PROSER2: variants seen among roughly 807,000 people sequenced by gnomAD.
PROSER2 encodes the protein proline and serine-rich protein 2.
PROSER2 carries 18 observed loss-of-function variants against 14.6 expected under a neutral mutation model. The observed-to-expected ratio is 1.23, with a 90% CI of 0.85 to 1.83. The LOEUF is 1.83. Among genes scored for constraint, PROSER2 ranks in the 40% most tolerant of loss-of-function variants. The pLI is 0.00. For synonymous variants in PROSER2, 367 were observed against 286.4 expected, an observed-to-expected ratio of 1.28 and a Z score of -2.84; for missense variants, 823 against 629.8, an observed-to-expected ratio of 1.31 and a Z score of -3.28.
chr10:11,827,529 C>T lies in PROSER2; in HGVS notation c.-82+4059C>T, dbSNP rs183322123. The stretch of plus-strand genomic sequence containing the variant: ...CCTCGGAAGCCAGTTGTCTGACTTG[C>T]GCTTTGTCATTTTTAATCTTCTGCC... On this transcript the variant is annotated intron_variant, in intron 1 of 3. Transcript: ENST00000277570. Among the ~76,000 whole-genome samples the T allele has an allele frequency of 5.3e-5, 8 of 152,156 alleles. No individual in the cohort carries two copies. In the East Asian group the frequency reaches 9.7e-4, roughly 18 times the overall value.
At position 11,837,025 on chromosome 10, in the gene PROSER2, A is replaced by G. The variant is rs1833771236; in HGVS notation, c.-82+13555A>G. On this transcript the variant is annotated intron_variant, in intron 1 of 3. Coordinates refer to ENST00000277570, the MANE Select transcript of PROSER2 (RefSeq NM_153256.4). The surrounding 1 kb of genome is among the most constrained non-coding windows in gnomAD (Gnocchi z 4.6). ...TGCCCGGAGTCCCCACCTGCCCATCACTTAGTAGCCAACTCAGTTCTCAGA... is the reference window on the plus strand; with the variant it reads ...TGCCCGGAGTCCCCACCTGCCCATCGCTTAGTAGCCAACTCAGTTCTCAGA... Among the ~76,000 whole-genome samples the G allele has an allele frequency of 6.6e-6, 1 of 152,096 alleles. No homozygotes were observed. The highest frequency in any genetic ancestry group is 2.4e-5 in the African/African-American group (1 of 41,414).
rs1457978953 is a variant in PROSER2 at position 11,866,545 on chromosome 10, G to A, written c.153G>A (p.Leu51=). The A allele has an allele frequency of 1.9e-6, 3 of 1,614,048 alleles. No individual in the cohort carries two copies. The East Asian group carries it at 6.7e-5, about 36-fold the overall frequency. Residue 51 remains leucine (L), a synonymous_variant, in exon 3 of 4, where the codon CTG becomes CTA. Coordinates refer to ENST00000277570, the MANE Select transcript of PROSER2 (RefSeq NM_153256.4). This position sits in a 1 kb window ranked among gnomAD's most constrained non-coding sequence, Gnocchi z 6.0. ...CTGTACTCTAGGATGATGAGAGCCT[G>A]AAGTACCTCACCCATGAGGAAAAGG... ...SRSFTLDDES[L]KYLTHEEKDV... is the part of the protein sequence containing the mutation.
intron 2 of PROSER2, among the ~76,000 whole-genome samples, chr10:11,857,918 G>A (rs1185671678): frequency 3.3e-5 from 5 of 152,044 alleles, no homozygotes; most frequent in Non-Finnish European, 7.3e-5. Context: ...GTCTTAGTCT[G>A]CAGTTAAACT....
At chr10:11,832,648 A>AT (rs762880794) in intron 1 of PROSER2, among the ~76,000 whole-genome samples, 67 of 152,142 alleles carry the variant, frequency 4.4e-4, no homozygotes, top group Non-Finnish European at 6.0e-4. Context: ...CCATGTCCCG[A>AT]TTTAAATGTA....
Position 11,870,588 on chromosome 10 carries a change from C to A in PROSER2, c.*182C>A. ...CTCCTGGCTGAGCACGCACCGCAAG[C>A]TCCAGCCACCGGCACAGAGAACTCT... On this transcript the variant is annotated 3_prime_UTR_variant, in exon 4 of 4. Coordinates refer to ENST00000277570, the MANE Select transcript of PROSER2 (RefSeq NM_153256.4). 1 of 490,176 alleles carries A rather than the reference C, an allele frequency of 2.0e-6. No homozygotes were observed. Among genetic ancestry groups the A allele is most frequent in the Non-Finnish European group, 3.6e-6 (1 of 275,668 alleles). The allele number at this position is 490,176 out of a possible 1,614,324, so 30.4% of individuals were successfully genotyped here.
chr10:11,833,234 G>GGTTTTT (rs1588483584), intron 1 of PROSER2, among the ~76,000 whole-genome samples: 1 of 20,118 alleles, frequency 5.0e-5, no homozygotes, highest in Non-Finnish European at 8.8e-5. Context: ...AAATGTTGTG[G>GGTTTTT]CTTTTTTTTT....
chr10:11,843,245 AT>A (rs1588488168), intron 1 of PROSER2, among the ~76,000 whole-genome samples: 2 of 146,230 alleles, frequency 1.4e-5, no homozygotes, highest in East Asian at 4.6e-4. Context: ...CAGCCTTGCC[AT>A]TGTTCCTGAA....
intron 1 of PROSER2, among the ~76,000 whole-genome samples, chr10:11,833,524 C>T (rs1230070865): frequency 6.6e-6 from 1 of 151,890 alleles, no homozygotes; most frequent in Admixed American, 6.6e-5. Context: ...AACCCCATCT[C>T]TACTCAAAAT....
At chr10:11,861,390 T>G (rs1047584440) in intron 2 of PROSER2, among the ~76,000 whole-genome samples, 4 of 152,302 alleles carry the variant, frequency 2.6e-5, no homozygotes, top group African/African-American at 7.2e-5. Context: ...TGATCTTATC[T>G]GAAGCCCTCA....
intron 2 of PROSER2, among the ~76,000 whole-genome samples, chr10:11,857,676 C>T (rs535117321): frequency 3.7e-5 from 5 of 135,278 alleles, no homozygotes; most frequent in East Asian, 2.5e-4. Flanking sequence ...ACCCGGGTGG[C>T]GGAGGTTGCA....
rs368754069 is a variant in PROSER2, at chr10:11,832,818, T to C, written c.-82+9348T>C. Among the ~76,000 whole-genome samples, 10 of 17,538 alleles carry C rather than the reference T, an allele frequency of 5.7e-4. 1 individual carries two copies. Among genetic ancestry groups the C allele is most frequent in the African/African-American group, 1.1e-3 (8 of 7,496 alleles). 11.5% of individuals were successfully genotyped at this position (17,538 alleles called of 152,430 possible). ...TCCAAGGTCTGTTTTTAGGGTGCTC[T>C]TTTTTTTTTATTTAGATGGTTTTAG... On this transcript the variant is annotated intron_variant, in intron 1 of 3. Transcript: ENST00000277570.
At chr10:11,839,787 T>G (rs1833810729) in intron 1 of PROSER2, among the ~76,000 whole-genome samples, 1 of 141,402 alleles carries the variant, frequency 7.1e-6, no homozygotes. Flanking sequence ...ATCATACCAC[T>G]GCACTCCAGC....
intron 1 of PROSER2, among the ~76,000 whole-genome samples, chr10:11,833,988 T>TTC (rs769589901): frequency 1.4e-5 from 1 of 72,044 alleles, no homozygotes; most frequent in Non-Finnish European, 2.8e-5. Flanking sequence ...CTCTTTCTTT[T>TTC]TTTTTTTTTT....
intron 1 of PROSER2, among the ~76,000 whole-genome samples, chr10:11,847,984 G>T (rs1479968647): frequency 1.3e-5 from 2 of 152,154 alleles, no homozygotes; most frequent in African/African-American, 4.8e-5. Flanking sequence ...CCAAAGATAA[G>T]GAGATCATTT....
At position 11,856,111 on chromosome 10, in the gene PROSER2, G is replaced by A. The variant is rs898629950; in HGVS notation, c.138+3896G>A. On this transcript the variant is annotated intron_variant, in intron 2 of 3. Coordinates refer to ENST00000277570, the MANE Select transcript of PROSER2 (RefSeq NM_153256.4). The surrounding 1 kb of genome is among the most constrained non-coding windows in gnomAD (Gnocchi z 5.3). ...ATGTGTGTGCAAGGCGGTGCTTCCT[G>A]ACAACGTCGGGAGTGTGCTTGTGGA... 1.2e-4 allele frequency among the ~76,000 whole-genome samples: 19 copies of A among 152,198 alleles called. No individual in the cohort carries two copies. Among genetic ancestry groups the A allele is most frequent in the African/African-American group, 4.3e-4 (18 of 41,454 alleles).
chr10:11,856,148 C>G lies in PROSER2; in HGVS notation c.138+3933C>G, dbSNP rs1321462952. ...AGTGTGCTTGTGGAGCTTACTACCT[C>G]GAGAGGTGATGCAGGCACAAAATAA... On this transcript the variant is annotated intron_variant, in intron 2 of 3. Coordinates refer to ENST00000277570, the MANE Select transcript of PROSER2 (RefSeq NM_153256.4). The surrounding 1 kb of genome is among the most constrained non-coding windows in gnomAD (Gnocchi z 5.3). Among the ~76,000 whole-genome samples, 3 of 152,240 alleles carry G rather than the reference C, an allele frequency of 2.0e-5. No individual in the cohort carries two copies. The South Asian group carries it at 6.2e-4, about 32-fold the overall frequency.
rs11297440 is a variant in PROSER2, at chr10:11,828,301, G to GAAA, written c.-82+4845_-82+4847dup. Among the ~76,000 whole-genome samples, 99 of 136,258 alleles carry GAAA rather than the reference G, an allele frequency of 7.3e-4. 1 individual carries two copies. The highest frequency in any genetic ancestry group is 1.1e-3 in the Non-Finnish European group (69 of 63,812). The allele number at this position is 136,258 out of a possible 152,430, so 89.4% of individuals were successfully genotyped here. Reference sequence around the variant, plus strand: ...TATTACTTAAAGGAACTCTCTGTGTGAAAAAAAAAAAAAAAAGTCTATACT... The same window carrying GAAA: ...TATTACTTAAAGGAACTCTCTGTGTGAAAAAAAAAAAAAAAAAAAGTCTATACT... On this transcript the variant is annotated intron_variant, in intron 1 of 3. Transcript: ENST00000277570.
chr10:11,839,527 A>G (rs1364884741), intron 1 of PROSER2, among the ~76,000 whole-genome samples: 1 of 152,156 alleles, frequency 6.6e-6, no homozygotes, highest in African/African-American at 2.4e-5. Flanking sequence ...ACTTACTGCT[A>G]CTTTATAATA....
At position 11,856,458 on chromosome 10, in the gene PROSER2, G is replaced by T. The variant is rs1834124174; in HGVS notation, c.138+4243G>T. Among the ~76,000 whole-genome samples, 1 of 152,236 alleles carries T rather than the reference G, an allele frequency of 6.6e-6. No homozygotes were observed. On this transcript the variant is annotated intron_variant, in intron 2 of 3. Coordinates refer to ENST00000277570, the MANE Select transcript of PROSER2 (RefSeq NM_153256.4). The surrounding 1 kb of genome is among the most constrained non-coding windows in gnomAD (Gnocchi z 5.3). ...AGGATTTGGCTGCTCGGAAAGGGCG[G>T]AGAGCTCTGCACTCGCATGGTTCTC...
Sources: gnomAD v4.1 joint callset for allele counts (sites outside exome capture counted in the v4.1 genomes callset) on GRCh38, gnomAD v4.1.1 for gene constraint, Gnocchi (gnomAD v3.1) non-coding constraint, MANE v1.5 for transcripts, NCBI Gene and HGNC (gene_info 2026-07-23, HGNC 2026-07-21) for gene names.